The following DOK5 variants were observed in gnomAD, a reference collection of about 807,000 sequenced individuals.
DOK5 encodes downstream of tyrosine kinase 5.
Under a neutral mutation model 43.3 loss-of-function variants are expected in DOK5, and 27 were observed. The ratio of observed to expected loss-of-function variants is 0.62; its 90% CI spans 0.46 to 0.86. The LOEUF (loss-of-function observed/expected upper bound fraction) is 0.86, where lower values mean the gene tolerates loss of function less well. DOK5 is among the 40% of genes least tolerant of loss of function. The pLI, the probability that DOK5 is intolerant of heterozygous loss-of-function variation, is 0.00. For synonymous variants in DOK5, 146 were observed against 140.1 expected, an observed-to-expected ratio of 1.04 and a Z score of -0.30; for missense variants, 373 against 392.9, an observed-to-expected ratio of 0.95 and a Z score of 0.43.
At chr20:54,514,911 CTCT>C (rs1412104619) in intron 1 of DOK5, among the ~76,000 whole-genome samples, 1 of 151,720 alleles carries the variant, frequency 6.6e-6, no homozygotes, top group Non-Finnish European at 1.5e-5. Context: ...CTCCCTTCTT[CTCT>C]TCTTCCTTCC....
chr20:54,565,404 G>C (rs1171504112), intron 2 of DOK5, among the ~76,000 whole-genome samples: 4 of 152,186 alleles, frequency 2.6e-5, no homozygotes, highest in African/African-American at 4.8e-5. Flanking sequence ...GTAACCTGAA[G>C]CCTCTGAAAC....
chr20:54,605,136 CAGAGAGAGAGAGAG>C (rs375163730), intron 5 of DOK5, among the ~76,000 whole-genome samples: 1 of 150,824 alleles, frequency 6.6e-6, no homozygotes, highest in African/African-American at 2.4e-5. Context: ...CAAACACACA[CAGAGAGAGAGAGAG>C]ACAGAGAGAG....
chr20:54,575,156 C>A (rs971028634), intron 2 of DOK5, among the ~76,000 whole-genome samples: 20 of 152,290 alleles, frequency 1.3e-4, no homozygotes, highest in Admixed American at 2.0e-4. Context: ...ACGGAACATT[C>A]TGCAAGAAAA....
At position 54,570,818 on chromosome 20, in the gene DOK5, A is replaced by AGTTTCCCGT. The variant is rs1568788995; in HGVS notation, c.174+15779_174+15787dup. ...TTGAAACAGCAGAAGAAATTTCAAC[A>AGTTTCCCGT]GTTTCCCGTCTAGTTACAAAATAAT... is the stretch of plus-strand genomic sequence containing the variant. On this transcript the variant is annotated intron_variant, in intron 2 of 7. Coordinates refer to ENST00000262593, the MANE Select transcript of DOK5 (RefSeq NM_018431.5). Among the ~76,000 whole-genome samples the AGTTTCCCGT allele has an allele frequency of 5.9e-5, 9 of 152,370 alleles. No homozygotes were observed. In the East Asian group the frequency reaches 1.7e-3, roughly 29 times the overall value.
intron 6 of DOK5, among the ~76,000 whole-genome samples, chr20:54,625,892 T>A (rs1987115951): frequency 6.6e-6 from 1 of 152,252 alleles, no homozygotes; most frequent in South Asian, 2.1e-4. Flanking sequence ...AATCCCTTTT[T>A]ATTAAATGCC....
intron 7 of DOK5, among the ~76,000 whole-genome samples, chr20:54,647,734 T>C (rs1979505552): frequency 6.6e-6 from 1 of 152,182 alleles, no homozygotes; most frequent in Non-Finnish European, 1.5e-5. Context: ...GGGGAAATGC[T>C]ACATGTTAAG....
At chr20:54,600,395 T>C (rs1237255552) in intron 5 of DOK5, among the ~76,000 whole-genome samples, 1 of 152,148 alleles carries the variant, frequency 6.6e-6, no homozygotes, top group Non-Finnish European at 1.5e-5. Flanking sequence ...CATGGGTTTC[T>C]AAAACTACCC....
intron 1 of DOK5, among the ~76,000 whole-genome samples, chr20:54,520,808 CA>C (rs1164342450): frequency 7.2e-6 from 1 of 138,718 alleles, no homozygotes; most frequent in Non-Finnish European, 1.7e-5. Flanking sequence ...CAAAAAACAA[CA>C]AAAAAACCTA....
chr20:54,545,585 A>G (rs1984313511), intron 1 of DOK5, among the ~76,000 whole-genome samples: 2 of 152,248 alleles, frequency 1.3e-5, no homozygotes, highest in Admixed American at 6.5e-5. Flanking sequence ...AGAAGAGTTG[A>G]GAAGTTGTAT....
intron 1 of DOK5, among the ~76,000 whole-genome samples, chr20:54,488,412 C>T (rs1369519272): frequency 6.6e-6 from 1 of 152,180 alleles, no homozygotes. Context: ...TTGACTACAA[C>T]ATTTAAGTTG....
chr20:54,527,328 C>T lies in DOK5; in HGVS notation c.67-27605C>T, dbSNP rs565571895. Among the ~76,000 whole-genome samples the T allele has an allele frequency of 6.0e-4, 91 of 152,244 alleles. 2 individuals are homozygous for T. In the South Asian group the frequency reaches 0.014, roughly 23 times the overall value. On this transcript the variant is annotated intron_variant, in intron 1 of 7. Coordinates refer to ENST00000262593, the MANE Select transcript of DOK5 (RefSeq NM_018431.5). ...TTTTATGGTTTGACTAATGGAGATACATTTCAAGCGTACATTCATGTGCTT... is the reference window on the plus strand; with the variant it reads ...TTTTATGGTTTGACTAATGGAGATATATTTCAAGCGTACATTCATGTGCTT...
intron 1 of DOK5, among the ~76,000 whole-genome samples, chr20:54,527,996 C>A (rs1983635517): frequency 6.6e-6 from 1 of 152,132 alleles, no homozygotes; most frequent in Non-Finnish European, 1.5e-5. Context: ...CACCTGAGGT[C>A]AGGTATTTGA....
At position 54,625,813 on chromosome 20, in the gene DOK5, G is replaced by A. The variant is rs78790794; in HGVS notation, c.735+15290G>A. ...ATGGCAAGGGAAGGCAGATTATAGG[G>A]AATCCCCATTCACACAAATGATTCA... is the stretch of plus-strand genomic sequence containing the variant. On this transcript the variant is annotated intron_variant, in intron 6 of 7. Transcript: ENST00000262593. 1.2e-3 allele frequency among the ~76,000 whole-genome samples: 180 copies of A among 152,256 alleles called. 2 individuals carry two copies. In the East Asian group the frequency reaches 0.033, roughly 28 times the overall value.
In DOK5 at chr20:54,485,187, G is replaced by A. The variant is rs771339362; in HGVS notation, c.66+9175G>A. Among the ~76,000 whole-genome samples, 42 of 152,014 alleles carry A rather than the reference G, an allele frequency of 2.8e-4. No homozygotes were observed. The Middle Eastern group carries it at 0.01, about 37-fold the overall frequency. ...TCTACTAAAAATACAAAAATTAGTC[G>A]GGCATGGTGGAGAGCTACTCAGGAG... On this transcript the variant is annotated intron_variant, in intron 1 of 7. Coordinates refer to ENST00000262593, the MANE Select transcript of DOK5 (RefSeq NM_018431.5).
chr20:54,540,457 G>A (rs1984114283), intron 1 of DOK5, among the ~76,000 whole-genome samples: 1 of 152,140 alleles, frequency 6.6e-6, no homozygotes, highest in South Asian at 2.1e-4. Context: ...CTAGCTGGAT[G>A]GTATGAACTG....
At chr20:54,588,870 TAA>T (rs1985895747) in intron 4 of DOK5, 64 bp downstream of exon 4, 5 of 1,558,186 alleles carry the variant, frequency 3.2e-6, no homozygotes, top group Middle Eastern at 3.5e-4. Flanking sequence ...TGATAAAACA[TAA>T]GACATCTTCA....
At chr20:54,609,022 T>C (rs1253802879) in intron 5 of DOK5, among the ~76,000 whole-genome samples, 2 of 152,208 alleles carry the variant, frequency 1.3e-5, no homozygotes, top group Non-Finnish European at 2.9e-5. Context: ...ATTCATGAAA[T>C]TTAATTCAAA....
At chr20:54,581,512 C>T (rs1173288536) in intron 2 of DOK5, among the ~76,000 whole-genome samples, 3 of 151,376 alleles carry the variant, frequency 2.0e-5, no homozygotes, top group Non-Finnish European at 4.4e-5. Flanking sequence ...GTCTTTCAAT[C>T]TATGAAAACA....
At chr20:54,628,954 T>C (rs979845978) in intron 6 of DOK5, among the ~76,000 whole-genome samples, 1 of 152,218 alleles carries the variant, frequency 6.6e-6, no homozygotes. Context: ...GACCATTTGG[T>C]CTGAGTCTTG....
Sources: gnomAD v4.1 joint callset for allele counts (sites outside exome capture counted in the v4.1 genomes callset) on GRCh38, gnomAD v4.1.1 for gene constraint, MANE v1.5 for transcripts, NCBI Gene and HGNC (gene_info 2026-07-23, HGNC 2026-07-21) for gene names.